PTPRG: variants seen among roughly 807,000 people sequenced by gnomAD.
The protein encoded by PTPRG is protein tyrosine phosphatase receptor type G.
In PTPRG, 102 loss-of-function variants were observed where a neutral mutation model predicts 165.3. The ratio of observed to expected loss-of-function variants is 0.62; its 90% confidence interval spans 0.53 to 0.73. The LOEUF is 0.73. Among genes scored for constraint, PTPRG ranks in the 30% least tolerant of loss-of-function variants. The pLI is 0.00. For missense variants in PTPRG, 1,866 were observed against 1,861.4 expected (o/e 1.00, Z -0.05); for synonymous variants, 675 against 669.5 (o/e 1.01, Z -0.13).
chr3:61,883,440 T>C (rs1365297423), intron 2 of PTPRG, among the ~76,000 whole-genome samples: 1 of 152,140 alleles, frequency 6.6e-6, no homozygotes, highest in Admixed American at 6.5e-5. Flanking sequence ...GAGGAATAAC[T>C]TCTCCTGCTA....
chr3:61,963,392 G>A (rs2040197527), intron 2 of PTPRG, among the ~76,000 whole-genome samples: 1 of 151,898 alleles, frequency 6.6e-6, no homozygotes, highest in Non-Finnish European at 1.5e-5. Flanking sequence ...GATATATATG[G>A]CATCTAGAAA....
chr3:62,192,393 C>CTTTTTTT lies in PTPRG; in HGVS notation c.1218+767_1218+773dup, dbSNP rs71123255. On this transcript the variant is annotated intron_variant, in intron 9 of 29. Coordinates refer to ENST00000474889, the MANE Select transcript of PTPRG (RefSeq NM_002841.4). ...ATAAAGCAAACTCCACAACTACTGT[C>CTTTTTTT]TTTTTTTTTTTTTTTTTTTTTTTTT... 1.9e-3 allele frequency among the ~76,000 whole-genome samples: 99 copies of CTTTTTTT among 52,638 alleles called. 12 individuals are homozygous for CTTTTTTT. The highest frequency in any genetic ancestry group is 4.7e-3 in the East Asian group (6 of 1,272). 34.5% of individuals were successfully genotyped at this position (52,638 alleles called of 152,430 possible). A position where few individuals can be genotyped will look rare whatever the true frequency, so the allele number is the denominator to read the frequency against.
intron 5 of PTPRG, among the ~76,000 whole-genome samples, chr3:62,109,413 T>G (rs1702588128): frequency 6.6e-6 from 1 of 152,218 alleles, no homozygotes; most frequent in Admixed American, 6.5e-5. Flanking sequence ...TATATCTGTT[T>G]TGGTACCAGT....
chr3:61,985,413 C>T (rs1405354181), intron 2 of PTPRG, among the ~76,000 whole-genome samples: 1 of 152,200 alleles, frequency 6.6e-6, no homozygotes, highest in Admixed American at 6.5e-5. Flanking sequence ...GTCTGCTATA[C>T]ATTTACAAGC....
chr3:61,564,004 C>G (rs910266394), intron 1 of PTPRG, among the ~76,000 whole-genome samples: 1 of 152,088 alleles, frequency 6.6e-6, no homozygotes, highest in Non-Finnish European at 1.5e-5. Context: ...CGTCCACACT[C>G]ACCCTGGGGT....
intron 1 of PTPRG, among the ~76,000 whole-genome samples, chr3:61,602,579 AG>A (rs1415429676): frequency 6.6e-6 from 1 of 152,220 alleles, no homozygotes; most frequent in Non-Finnish European, 1.5e-5. Flanking sequence ...AGATAGGCCC[AG>A]GGTTTTAGCT....
chr3:61,799,832 T>A (rs2035178677), intron 2 of PTPRG, among the ~76,000 whole-genome samples: 1 of 152,060 alleles, frequency 6.6e-6, no homozygotes, highest in Admixed American at 6.6e-5. Flanking sequence ...CCCTTGAGAG[T>A]GTGGACATAA....
intron 1 of PTPRG, among the ~76,000 whole-genome samples, chr3:61,653,059 A>G (rs1198352903): frequency 6.6e-6 from 1 of 152,000 alleles, no homozygotes; most frequent in Non-Finnish European, 1.5e-5. Context: ...AGTACATATA[A>G]GATAAGGGAA....
At chr3:61,778,696 C>T (rs2034456535) in intron 2 of PTPRG, among the ~76,000 whole-genome samples, 1 of 152,110 alleles carries the variant, frequency 6.6e-6, no homozygotes, top group South Asian at 2.1e-4. Context: ...ATAGATAGTA[C>T]TGACCTACTG....
intron 4 of PTPRG, among the ~76,000 whole-genome samples, chr3:62,017,511 G>A (rs1343922915): frequency 6.6e-6 from 1 of 151,744 alleles, no homozygotes; most frequent in Non-Finnish European, 1.5e-5. Context: ...CGCCTCCCGG[G>A]TTCACGCCAT....
chr3:61,947,243 A>G (rs968327595), intron 2 of PTPRG, among the ~76,000 whole-genome samples: 2 of 152,222 alleles, frequency 1.3e-5, no homozygotes, highest in African/African-American at 4.8e-5. Context: ...GGCCTGTGTA[A>G]TGAGCATCTG....
At chr3:61,859,588 A>G (rs539983973) in intron 2 of PTPRG, among the ~76,000 whole-genome samples, 45 of 149,882 alleles carry the variant, frequency 3.0e-4, no homozygotes, top group African/African-American at 1.1e-3. Flanking sequence ...TTCTTATTTG[A>G]GATCTTGGTT....
chr3:61,765,828 A>G (rs887278564), intron 2 of PTPRG, among the ~76,000 whole-genome samples: 4 of 152,204 alleles, frequency 2.6e-5, no homozygotes, highest in Non-Finnish European at 5.9e-5. Context: ...AAATGCATGT[A>G]TATTTATCTA....
At chr3:61,787,909 C>A (rs1271120905) in intron 2 of PTPRG, among the ~76,000 whole-genome samples, 3 of 152,174 alleles carry the variant, frequency 2.0e-5, no homozygotes, top group Non-Finnish European at 4.4e-5. Flanking sequence ...TTTATTCCCT[C>A]AAGGATATCG....
intron 1 of PTPRG, among the ~76,000 whole-genome samples, chr3:61,604,428 C>G (rs1335818297): frequency 7.2e-5 from 11 of 152,180 alleles, no homozygotes; most frequent in Admixed American, 7.2e-4. Flanking sequence ...TTTTAAGTTG[C>G]CTATTGTGAC....
intron 2 of PTPRG, among the ~76,000 whole-genome samples, chr3:61,800,739 G>A (rs2035204432): frequency 6.6e-6 from 1 of 151,830 alleles, no homozygotes; most frequent in African/African-American, 2.4e-5. Flanking sequence ...TGCCTCCTGG[G>A]TTCAAGTGAT....
At chr3:61,619,364 G>T (rs928344816) in intron 1 of PTPRG, among the ~76,000 whole-genome samples, 1 of 152,042 alleles carries the variant, frequency 6.6e-6, no homozygotes, top group African/African-American at 2.4e-5. Context: ...CTGAGGGAGG[G>T]TTAATAGTTT....
Position 62,228,722 on chromosome 3 carries a change from T to C in PTPRG, c.2289-2503T>C, listed in dbSNP as rs779254461. ...AGATTCTTTTCTGGAAGATTCTACA[T>C]GTACAAAGTACAAAGGCACTGGGTC... On this transcript the variant is annotated intron_variant, in intron 13 of 29. Coordinates refer to ENST00000474889, the MANE Select transcript of PTPRG (RefSeq NM_002841.4). The surrounding 1 kb of genome is among the most constrained non-coding windows in gnomAD (Gnocchi z 4.1). Among the ~76,000 whole-genome samples the C allele has an allele frequency of 1.3e-5, 2 of 152,184 alleles. No homozygotes were observed. The highest frequency in any genetic ancestry group is 4.8e-5 in the African/African-American group (2 of 41,450).
In PTPRG at chr3:62,194,806, A is replaced by T. The variant is rs148700829; in HGVS notation, c.1219-256A>T. Among the ~76,000 whole-genome samples, 488 of 116,992 alleles carry T rather than the reference A, an allele frequency of 4.2e-3. 4 individuals are homozygous for T. The highest frequency in any genetic ancestry group is 0.014 in the African/African-American group (462 of 34,120). The allele number at this position is 116,992 out of a possible 152,430, so 76.8% of individuals were successfully genotyped here. A position where few individuals can be genotyped will look rare whatever the true frequency, so the allele number is the denominator to read the frequency against. The stretch of plus-strand genomic sequence containing the variant: ...TGACAGAGTGAGACTTCATCTCAAT[A>T]AAAAAAAAAAAGAATAATGTTACTC... On this transcript the variant is annotated intron_variant, in intron 9 of 29. Transcript: ENST00000474889.
Sources: allele counts gnomAD v4.1 joint callset (sites outside exome capture counted in the v4.1 genomes callset), GRCh38; gene constraint gnomAD v4.1.1; non-coding constraint Gnocchi (gnomAD v3.1); transcripts MANE v1.5; gene names NCBI Gene and HGNC (gene_info 2026-07-23, HGNC 2026-07-21).